Variants in LMTK2 observed in about 807,000 individuals in gnomAD.
LMTK2 encodes lemur tail kinase 2.
LMTK2 carries 37 observed loss-of-function variants against 127.5 expected under a neutral mutation model. That is an observed-to-expected ratio of 0.29 (90% CI 0.22 to 0.38). The LOEUF (loss-of-function observed/expected upper bound fraction) is 0.38. Ranked by LOEUF, LMTK2 falls within the 10% of genes least tolerant of loss-of-function variation. The pLI, the probability that LMTK2 is intolerant of heterozygous loss-of-function variation, is 1.00. For missense variants in LMTK2, 1,694 were observed against 1,920.3 expected (o/e 0.88, Z 2.20); for synonymous variants, 819 against 810.1 (o/e 1.01, Z -0.19).
chr7:98,129,790 A>C (rs925972267), intron 1 of LMTK2, among the ~76,000 whole-genome samples: 1 of 151,032 alleles, frequency 6.6e-6, no homozygotes, highest in East Asian at 1.9e-4. Context: ...TCGCTCTCTA[A>C]CTTTTTTCCC....
At chr7:98,177,225 G>T (rs1032957858) in intron 7 of LMTK2, among the ~76,000 whole-genome samples, 1 of 152,196 alleles carries the variant, frequency 6.6e-6, no homozygotes, top group Non-Finnish European at 1.5e-5. Flanking sequence ...TAAGTCAGTA[G>T]TTTTTCTCTG....
At chr7:98,173,883 C>G (rs777398963) in intron 7 of LMTK2, among the ~76,000 whole-genome samples, 41 of 152,016 alleles carry the variant, frequency 2.7e-4, no homozygotes, top group Admixed American at 3.9e-4. Context: ...GGTGAAACCC[C>G]GTCTCTACTA....
In LMTK2 at chr7:98,174,104, T is replaced by A. The variant is rs370094751; in HGVS notation, c.791+2430T>A. 2.3e-3 allele frequency among the ~76,000 whole-genome samples: 277 copies of A among 117,878 alleles called. 6 individuals are homozygous for A. Among genetic ancestry groups the A allele is most frequent in the South Asian group, 0.012 (37 of 3,152 alleles). 77.3% of individuals were successfully genotyped at this position (117,878 alleles called of 152,430 possible). A position where few individuals can be genotyped will look rare whatever the true frequency, so the allele number is the denominator to read the frequency against. ...CATTGACAGCTGTTTCATTTTGTTG[T>A]AAAAAAAAAAAAAAAAAAGAAAAAG... On this transcript the variant is annotated intron_variant, in intron 7 of 13. Transcript: ENST00000297293.
At chr7:98,115,275 G>A (rs954681737) in intron 1 of LMTK2, among the ~76,000 whole-genome samples, 2 of 151,944 alleles carry the variant, frequency 1.3e-5, no homozygotes, top group African/African-American at 2.4e-5. Flanking sequence ...AATTAGCTGG[G>A]TATGGTGGCA....
rs1197330816 is a variant in LMTK2, at chr7:98,193,078, A to G, written c.2613A>G (p.Ser871=). The change falls in exon 11 of 14, where the codon TCA becomes TCG. Residue 871 remains serine (S), a synonymous_variant. Transcript: ENST00000297293. This position sits in a 1 kb window ranked among gnomAD's most constrained non-coding sequence, Gnocchi z 4.1. ...TGACTGTCCCGGTTGAAATTCTCTC[A>G]ACTGATGCCAGAACCCACAGCCTGG... ...DAVTVPVEIL[S]TDARTHSLDN... is the part of the protein sequence containing the mutation. 2 of 1,613,674 alleles carry G rather than the reference A, an allele frequency of 1.2e-6. No homozygotes were observed. The highest frequency in any genetic ancestry group is 2.2e-5 in the South Asian group (2 of 91,066).
At chr7:98,140,961 G>A (rs1382263564) in intron 2 of LMTK2, among the ~76,000 whole-genome samples, 1 of 151,704 alleles carries the variant, frequency 6.6e-6, no homozygotes, top group East Asian at 1.9e-4. Flanking sequence ...GGAGGCTGAG[G>A]TAGGCGGCTC....
chr7:98,168,835 G>A (rs1797141811), intron 6 of LMTK2, among the ~76,000 whole-genome samples: 1 of 152,050 alleles, frequency 6.6e-6, no homozygotes, highest in African/African-American at 2.4e-5. Context: ...GGAGTTTTTT[G>A]GGGGGTTTTG....
At position 98,171,842 on chromosome 7, in the gene LMTK2, G is replaced by A. The variant is rs553676206; in HGVS notation, c.791+168G>A. Among the ~76,000 whole-genome samples, 14 of 152,314 alleles carry A rather than the reference G, an allele frequency of 9.2e-5. No homozygotes were observed. In the South Asian group the frequency reaches 2.7e-3, roughly 29 times the overall value. On this transcript the variant is annotated intron_variant, in intron 7 of 13. Transcript: ENST00000297293. This position sits in a 1 kb window ranked among gnomAD's most constrained non-coding sequence, Gnocchi z 5.1. ...CCCATGTCCGGATAAGGGTTGAGTTGGGCTTCATTGAAACCAGTACCAGGG... is the reference window on the plus strand; with the variant it reads ...CCCATGTCCGGATAAGGGTTGAGTTAGGCTTCATTGAAACCAGTACCAGGG...
In LMTK2 at chr7:98,192,665, G is replaced by T. The variant is rs781228211; in HGVS notation, c.2200G>T (p.Gly734Cys). The change falls in exon 11 of 14, where the codon GGC becomes TGC. Residue 734 changes from glycine to cysteine, a missense_variant. By Grantham distance (159) the Gly-to-Cys change is radical. This residue lies in a region of LMTK2 where 527 missense variants were observed against 539.8 expected (regional missense o/e 0.98). Coordinates refer to ENST00000297293, the MANE Select transcript of LMTK2 (RefSeq NM_014916.4). ...LFLQEKNLLK[G>C]SLSSKEHIND... ...TCTTCAAGAGAAAAACTTACTAAAA[G>T]GCTCATTGTCCAGCAAAGAACACAT... 6.2e-7 allele frequency: 1 copy of T among 1,610,352 alleles called. No individual in the cohort carries two copies. Among genetic ancestry groups the T allele is most frequent in the South Asian group, 1.1e-5 (1 of 89,930 alleles).
chr7:98,199,738 G>T (rs919271027), intron 11 of LMTK2, among the ~76,000 whole-genome samples: 5 of 152,180 alleles, frequency 3.3e-5, no homozygotes, highest in Non-Finnish European at 7.3e-5. Flanking sequence ...CAAGCAATCC[G>T]CCCGCCTCGG....
chr7:98,192,631 CTTT>C lies in LMTK2; in HGVS notation c.2169_2171del (p.Phe723del). ...TGAATGTTCAAGAATTGTCAGAAAA[CTTT>C]TTATTTCTTCAAGAGAAAAACTTAC... On this transcript the variant is annotated inframe_deletion, in exon 11 of 14. Transcript: ENST00000297293. 2 of 1,612,162 alleles carry C rather than the reference CTTT, an allele frequency of 1.2e-6. No individual in the cohort carries two copies. The highest frequency in any genetic ancestry group is 1.7e-6 in the Non-Finnish European group (2 of 1,179,514).
Position 98,141,389 on chromosome 7 carries a change from C to T in LMTK2, c.232-8C>T, listed in dbSNP as rs1796697045. The T allele has an allele frequency of 6.2e-7, 1 of 1,612,112 alleles. No homozygotes were observed. Among genetic ancestry groups the T allele is most frequent in the Admixed American group, 1.7e-5 (1 of 59,960 alleles). On this transcript the variant is annotated splice_region_variant and splice_polypyrimidine_tract_variant and intron_variant, in intron 2 of 13. Transcript: ENST00000297293. ...ATGGTTTTTAATGCTTGCTCTCTTT[C>T]ATTTTAGGAATTTGAAGATAATTTT... is the stretch of plus-strand genomic sequence containing the variant.
intron 1 of LMTK2, among the ~76,000 whole-genome samples, chr7:98,131,376 C>T (rs1355606254): frequency 6.6e-6 from 1 of 152,154 alleles, no homozygotes; most frequent in Non-Finnish European, 1.5e-5. Context: ...TCCCTCTCTT[C>T]ATCTCTTTCT....
chr7:98,163,649 C>T (rs1159008594), intron 6 of LMTK2, among the ~76,000 whole-genome samples: 1 of 152,188 alleles, frequency 6.6e-6, no homozygotes, highest in African/African-American at 2.4e-5. Flanking sequence ...TCAGGTAGCA[C>T]CAGCCCAGGG....
At position 98,205,521 on chromosome 7, in the gene LMTK2, G is replaced by A. The variant is rs546565959; in HGVS notation, c.*29G>A. ...GCTGCCAACGCGCACGCTCGGGTCC[G>A]AGGCTGCTCCCCTGGAGCGGCGCCC... On this transcript the variant is annotated 3_prime_UTR_variant, in exon 14 of 14. Transcript: ENST00000297293. The A allele has an allele frequency of 6.2e-7, 1 of 1,610,802 alleles. No homozygotes were observed. Among genetic ancestry groups the A allele is most frequent in the Admixed American group, 1.7e-5 (1 of 60,002 alleles).
At chr7:98,201,170 T>C (rs1284490959) in intron 11 of LMTK2, among the ~76,000 whole-genome samples, 1 of 152,160 alleles carries the variant, frequency 6.6e-6, no homozygotes, top group East Asian at 1.9e-4. Context: ...GTGTTGATAA[T>C]TGTTTTCTTT....
chr7:98,190,969 T>G, intron 10 of LMTK2, 92 bp downstream of exon 10: 1 of 1,204,878 alleles, frequency 8.3e-7, no homozygotes, highest in Non-Finnish European at 1.2e-6. Context: ...ATATTATGTT[T>G]CTTCATTTCC....
At chr7:98,156,599 T>C (rs772454134) in intron 5 of LMTK2, among the ~76,000 whole-genome samples, 3 of 152,204 alleles carry the variant, frequency 2.0e-5, no homozygotes, top group Non-Finnish European at 2.9e-5. Context: ...AGCTTGGCAG[T>C]TTCTTAAAAA....
Position 98,192,512 on chromosome 7 carries a change from G to A in LMTK2, c.2047G>A (p.Gly683Ser), listed in dbSNP as rs201290124. 3.2e-5 allele frequency: 51 copies of A among 1,610,818 alleles called. No homozygotes were observed. The African/African-American group carries it at 5.9e-4, about 19-fold the overall frequency. Reference sequence around the variant, plus strand: ...TAACCCCAAAGAGTCAGTCATAACAGGCCACTTTGAGAAAGAAAAGCCCCG... The same window carrying A: ...TAACCCCAAAGAGTCAGTCATAACAAGCCACTTTGAGAAAGAAAAGCCCCG... ...LDNPKESVITGHFEKEKPRKI... is the reference protein window; with the variant it reads ...LDNPKESVITSHFEKEKPRKI... Residue 683 changes from glycine to serine, a missense_variant, in exon 11 of 14, where the codon GGC (glycine) becomes AGC (serine). Around this residue, in one of 8 missense-constraint regions of LMTK2, gnomAD observed 527 missense variants for 539.8 expected, o/e 0.98. Transcript: ENST00000297293.
Sources: gnomAD v4.1 joint callset for allele counts (sites outside exome capture counted in the v4.1 genomes callset) on GRCh38, gnomAD v4.1.1 for gene constraint, gnomAD v4.1.1 regional missense constraint, Gnocchi (gnomAD v3.1) non-coding constraint, MANE v1.5 for transcripts, NCBI Gene and HGNC (gene_info 2026-07-23, HGNC 2026-07-21) for gene names.